SEMA3A: variants seen among roughly 807,000 people sequenced by gnomAD.
The protein encoded by SEMA3A is semaphorin 3A.
In SEMA3A, 29 loss-of-function variants were observed where a neutral mutation model predicts 97.9. The ratio of observed to expected loss-of-function variants is 0.30; its 90% CI spans 0.22 to 0.40. The LOEUF (loss-of-function observed/expected upper bound fraction) is 0.40, where lower values mean the gene tolerates loss of function less well. Among genes scored for constraint, SEMA3A ranks in the 10% least tolerant of loss-of-function variants. The pLI is 1.00. For missense variants in SEMA3A, 763 were observed against 951.3 expected (o/e 0.80, Z 2.60); for synonymous variants, 321 against 323.7 (o/e 0.99, Z 0.09).
At chr7:84,429,882 G>T (rs771331992) in intron 1 of SEMA3A, among the ~76,000 whole-genome samples, 5 of 151,702 alleles carry the variant, frequency 3.3e-5, no homozygotes, top group Non-Finnish European at 7.4e-5. Context: ...CTTTCCTTCC[G>T]ATGGCATCTT....
chr7:84,233,493 A>G (rs1042324065), intron 3 of SEMA3A, among the ~76,000 whole-genome samples: 1 of 152,038 alleles, frequency 6.6e-6, no homozygotes, highest in Non-Finnish European at 1.5e-5. Flanking sequence ...TTTCACAGGA[A>G]AATTCACAAC....
chr7:84,064,596 CA>C (rs1793400659), intron 4 of SEMA3A, among the ~76,000 whole-genome samples: 2 of 150,814 alleles, frequency 1.3e-5, no homozygotes, highest in East Asian at 1.9e-4. Context: ...AAATGGAAAA[CA>C]AAAAAAGGCA....
At chr7:84,129,949 T>A (rs1276654171) in intron 2 of SEMA3A, among the ~76,000 whole-genome samples, 1 of 152,072 alleles carries the variant, frequency 6.6e-6, no homozygotes, top group Non-Finnish European at 1.5e-5. Context: ...CAGTAGTAGA[T>A]GAACTATGAT....
At chr7:84,403,169 G>A (rs943689390) in intron 1 of SEMA3A, among the ~76,000 whole-genome samples, 17 of 152,100 alleles carry the variant, frequency 1.1e-4, no homozygotes, top group Admixed American at 5.9e-4. Context: ...GTGACAGATG[G>A]CACCTGGAAA....
chr7:84,015,038 G>C (rs1791042869), intron 6 of SEMA3A, among the ~76,000 whole-genome samples: 1 of 152,028 alleles, frequency 6.6e-6, no homozygotes, highest in African/African-American at 2.4e-5. Context: ...TAGTTTCTTA[G>C]TTTCTACCTT....
intron 2 of SEMA3A, among the ~76,000 whole-genome samples, chr7:84,323,102 C>A (rs978322266): frequency 6.6e-6 from 1 of 152,170 alleles, no homozygotes; most frequent in Non-Finnish European, 1.5e-5. Flanking sequence ...TTTAAATGAA[C>A]ATGATCAAAT....
chr7:84,460,039 C>T (rs1007381970), intron 1 of SEMA3A, among the ~76,000 whole-genome samples: 1 of 151,994 alleles, frequency 6.6e-6, no homozygotes, highest in African/African-American at 2.4e-5. Flanking sequence ...AACAAGCAAA[C>T]AAACAAACAA....
rs1788798998 is a variant in SEMA3A, at chr7:83,968,572, T to C, written c.1718-5225A>G. Reference sequence around the variant, plus strand: ...CTGAAAAAAAGCAGTTAGACAAATGTATGTCTTACCCTTATAACTTCTTGG... The same window carrying C: ...CTGAAAAAAAGCAGTTAGACAAATGCATGTCTTACCCTTATAACTTCTTGG... On this transcript the variant is annotated intron_variant, in intron 15 of 16. Coordinates refer to ENST00000265362, the MANE Select transcript of SEMA3A (RefSeq NM_006080.3). Among the ~76,000 whole-genome samples, 3 of 152,172 alleles carry C rather than the reference T, an allele frequency of 2.0e-5. No homozygotes were observed. In the South Asian group the frequency reaches 6.2e-4, roughly 31 times the overall value.
At chr7:84,173,140 T>C (rs1386524354) in intron 1 of SEMA3A, among the ~76,000 whole-genome samples, 1 of 152,198 alleles carries the variant, frequency 6.6e-6, no homozygotes, top group Non-Finnish European at 1.5e-5. Flanking sequence ...TTTAATATTT[T>C]ACTTATTATG....
chr7:84,308,475 T>C (rs910284998), intron 2 of SEMA3A, among the ~76,000 whole-genome samples: 1 of 152,152 alleles, frequency 6.6e-6, no homozygotes. Context: ...AAGTTCTTTG[T>C]GGGAGAGGAG....
intron 1 of SEMA3A, among the ~76,000 whole-genome samples, chr7:84,491,315 T>A (rs1206971786): frequency 1.3e-5 from 2 of 152,186 alleles, no homozygotes; most frequent in Non-Finnish European, 2.9e-5. Flanking sequence ...TCTTCCAGAC[T>A]AATTTTTCAA....
chr7:84,222,635 T>C (rs1562859611), intron 3 of SEMA3A, among the ~76,000 whole-genome samples: 1 of 151,930 alleles, frequency 6.6e-6, no homozygotes, highest in African/African-American at 2.4e-5. Flanking sequence ...AGATTTTCCC[T>C]AAGAAAAATG....
intron 12 of SEMA3A, among the ~76,000 whole-genome samples, chr7:83,990,818 A>AT (rs1789890046): frequency 7.3e-6 from 1 of 136,960 alleles, no homozygotes; most frequent in African/African-American, 2.7e-5. Flanking sequence ...TTTTGGTTCC[A>AT]TATGAACTTT....
At chr7:84,478,973 T>G (rs938718748) in intron 1 of SEMA3A, among the ~76,000 whole-genome samples, 1 of 152,208 alleles carries the variant, frequency 6.6e-6, no homozygotes, top group Non-Finnish European at 1.5e-5. Flanking sequence ...GTCCTTCTCT[T>G]GTCAAATATA....
intron 1 of SEMA3A, among the ~76,000 whole-genome samples, chr7:84,419,972 A>C (rs2116275690): frequency 6.6e-6 from 1 of 152,302 alleles, no homozygotes; most frequent in South Asian, 2.1e-4. Context: ...AACACACGCT[A>C]AAGGAACTGA....
chr7:84,489,427 A>G (rs2706898), intron 1 of SEMA3A, among the ~76,000 whole-genome samples: 80,385 of 151,950 alleles, frequency 0.53, 22,820 homozygotes, highest in East Asian at 0.9. Flanking sequence ...TTCGTAAATG[A>G]GAATAGGAAC....
chr7:84,124,070 G>C (rs1019955326), intron 3 of SEMA3A, among the ~76,000 whole-genome samples: 1 of 152,142 alleles, frequency 6.6e-6, no homozygotes, highest in African/African-American at 2.4e-5. Context: ...AACTATGTAG[G>C]TTCAATCCAG....
At chr7:84,135,977 C>T (rs543105363) in intron 1 of SEMA3A, among the ~76,000 whole-genome samples, 205 of 152,268 alleles carry the variant, frequency 1.3e-3, no homozygotes, top group Non-Finnish European at 2.6e-3. Context: ...TTAAAAATAA[C>T]ATTAAATATA....
intron 5 of SEMA3A, among the ~76,000 whole-genome samples, chr7:84,050,484 T>G (rs940271323): frequency 3.5e-4 from 54 of 152,172 alleles, no homozygotes; most frequent in African/African-American, 1.2e-3. Flanking sequence ...TTTTCATGTG[T>G]TTTTTGGCTG....
Sources: gnomAD v4.1 joint callset for allele counts (sites outside exome capture counted in the v4.1 genomes callset) on GRCh38, gnomAD v4.1.1 for gene constraint, MANE v1.5 for transcripts, NCBI Gene and HGNC (gene_info 2026-07-23, HGNC 2026-07-21) for gene names.